The following CDH17 variants were observed in gnomAD, a reference collection of about 807,000 sequenced individuals.
CDH17 encodes cadherin-17.
CDH17 carries 67 observed loss-of-function variants against 86.3 expected under a neutral mutation model. The ratio of observed to expected loss-of-function variants is 0.78; its 90% CI spans 0.64 to 0.95. The LOEUF (loss-of-function observed/expected upper bound fraction) is 0.95. Ranked by LOEUF, CDH17 falls within the 40% of genes least tolerant of loss-of-function variation. CDH17 has a pLI of 0.00. For synonymous variants in CDH17, 367 were observed against 366.4 expected, an observed-to-expected ratio of 1.00 and a Z score of -0.02; for missense variants, 993 against 1,017.6, an observed-to-expected ratio of 0.98 and a Z score of 0.33.
chr8:94,131,217 T>C (rs1207562070), intron 15 of CDH17, among the ~76,000 whole-genome samples: 1 of 152,226 alleles, frequency 6.6e-6, no homozygotes, highest in Non-Finnish European at 1.5e-5. Flanking sequence ...TAGAAATTTA[T>C]ACTAAATATA....
At chr8:94,128,449 T>C (rs1812346284) in intron 17 of CDH17, 109 bp from the exon 18 acceptor site, 1 of 693,336 alleles carries the variant, frequency 1.4e-6, no homozygotes, top group Admixed American at 2.7e-5. Flanking sequence ...ACTTCATTTT[T>C]GTATGTGATT....
At chr8:94,130,039 C>CA (rs1812379980) in intron 17 of CDH17, among the ~76,000 whole-genome samples, 2 of 152,046 alleles carry the variant, frequency 1.3e-5, no homozygotes, top group Admixed American at 1.3e-4. Context: ...GAGTTGTTTG[C>CA]AAAAAAGAAA....
chr8:94,165,870 A>G lies in CDH17; in HGVS notation c.1173T>C (p.Asp391=). ...IVEQTPKLPM[D]GLFLIQTYAG... ...CATAGGTTTGGATTAGGAAGAGTCC[A>G]TCCATGGGAAGTTTGGGAGTTTGCT... is the stretch of plus-strand genomic sequence containing the variant. The change falls in exon 10 of 18, where the codon GAT becomes GAC. Residue 391 remains aspartate (D), a synonymous_variant. Transcript: ENST00000027335. 6.2e-7 allele frequency: 1 copy of G among 1,613,776 alleles called. No individual in the cohort carries two copies. The highest frequency in any genetic ancestry group is 1.7e-4 in the Middle Eastern group (1 of 6,058).
chr8:94,167,888 G>A (rs2514808), intron 9 of CDH17, among the ~76,000 whole-genome samples: 31,378 of 151,556 alleles, frequency 0.21, 3,800 homozygotes, highest in Middle Eastern at 0.31. Flanking sequence ...AACAAGTGGA[G>A]CTCAAACTGA....
chr8:94,207,025 G>A (rs1333315723), intron 1 of CDH17, among the ~76,000 whole-genome samples: 1 of 151,908 alleles, frequency 6.6e-6, no homozygotes, highest in Admixed American at 6.6e-5. Context: ...TTTTTTCAGG[G>A]GTCATCTGGG....
Position 94,160,037 on chromosome 8 carries a change from G to A in CDH17, c.1485C>T (p.Asp495=), listed in dbSNP as rs1200966655. ...TGTCAACCCCCAGGCGTCCCTCACT[G>A]TCTCCCTTTATGATATGATACAGAA... ...SKILYHIIKG[D]SEGRLGVDTD... is the part of the protein sequence containing the mutation. The change falls in exon 12 of 18, where the codon GAC becomes GAT. Residue 495 remains aspartate, a synonymous_variant. Transcript: ENST00000027335. The A allele has an allele frequency of 2.2e-5, 36 of 1,613,692 alleles. No individual in the cohort carries two copies. The highest frequency in any genetic ancestry group is 3.0e-5 in the Non-Finnish European group (35 of 1,179,832).
At chr8:94,191,560 G>A (rs1047289374) in intron 2 of CDH17, among the ~76,000 whole-genome samples, 13 of 148,988 alleles carry the variant, frequency 8.7e-5, no homozygotes, top group East Asian at 4.0e-4. Context: ...CAAGCGATTC[G>A]CCTGCCTCAG....
chr8:94,206,969 A>G (rs575304733), intron 1 of CDH17, among the ~76,000 whole-genome samples: 1 of 152,248 alleles, frequency 6.6e-6, no homozygotes, highest in African/African-American at 2.4e-5. Flanking sequence ...TGTATGAGAA[A>G]GGAGGAGGTA....
At chr8:94,211,442 GC>G (rs761094799), upstream of CDH17, among the ~76,000 whole-genome samples, 2 of 152,112 alleles carry the variant, frequency 1.3e-5, no homozygotes, top group Non-Finnish European at 2.9e-5. Context: ...CTCCCATGTA[GC>G]TGGGATTACA....
chr8:94,185,207 T>C (rs1813555341), intron 3 of CDH17, among the ~76,000 whole-genome samples: 2 of 151,604 alleles, frequency 1.3e-5, no homozygotes, highest in African/African-American at 4.9e-5. Flanking sequence ...GCTTCTGTGA[T>C]TCTAAAAAGA....
At chr8:94,148,716 T>C (rs1812796479) in intron 14 of CDH17, 28 bp downstream of exon 14, 1 of 1,400,706 alleles carries the variant, frequency 7.1e-7, no homozygotes, top group Non-Finnish European at 9.3e-7. Context: ...TGTTCCTTTT[T>C]TTTTGTTTTT....
At chr8:94,201,664 G>A (rs541268829) in intron 1 of CDH17, among the ~76,000 whole-genome samples, 1 of 152,162 alleles carries the variant, frequency 6.6e-6, no homozygotes, top group Non-Finnish European at 1.5e-5. Flanking sequence ...CCGTTCTGTG[G>A]TATTTTGTTA....
chr8:94,187,865 C>T lies in CDH17; in HGVS notation c.150+1322G>A, dbSNP rs559495660. Among the ~76,000 whole-genome samples, 308 of 152,284 alleles carry T rather than the reference C, an allele frequency of 2.0e-3. 1 individual carries two copies. Among genetic ancestry groups the T allele is most frequent in the African/African-American group, 7.1e-3 (297 of 41,574 alleles). On this transcript the variant is annotated intron_variant, in intron 3 of 17. Coordinates refer to ENST00000027335, the MANE Select transcript of CDH17 (RefSeq NM_004063.4). ...CCTCCAGCTCTCAACACATTCACTGCTTCTTCAGGCCCTGACTTCCCTGAC... is the reference window on the plus strand; with the variant it reads ...CCTCCAGCTCTCAACACATTCACTGTTTCTTCAGGCCCTGACTTCCCTGAC...
chr8:94,167,465 G>A (rs1032056118), intron 9 of CDH17, among the ~76,000 whole-genome samples: 2 of 152,160 alleles, frequency 1.3e-5, no homozygotes, highest in Non-Finnish European at 2.9e-5. Context: ...GTTGGGGGAG[G>A]AAAAAGAAAG....
At chr8:94,157,513 C>A (rs2130613238) in intron 12 of CDH17, among the ~76,000 whole-genome samples, 1 of 152,280 alleles carries the variant, frequency 6.6e-6, no homozygotes, top group African/African-American at 2.4e-5. Context: ...CCAGAGGTAG[C>A]TATGATAGTC....
At chr8:94,148,450 G>A (rs992024530) in intron 14 of CDH17, among the ~76,000 whole-genome samples, 1 of 144,838 alleles carries the variant, frequency 6.9e-6, no homozygotes, top group Admixed American at 7.1e-5. Context: ...GCTGAGGTAG[G>A]AGAATTGCTT....
rs1812321803 is a variant in CDH17 at position 94,127,343 on chromosome 8, T to C, written c.*897A>G. 6.6e-6 allele frequency: 1 copy of C among 152,248 alleles called. No individual in the cohort carries two copies. The highest frequency in any genetic ancestry group is 1.5e-5 in the Non-Finnish European group (1 of 68,048). The allele number at this position is 152,248 out of a possible 1,614,324, so 9.4% of individuals were successfully genotyped here. A position where few individuals can be genotyped will look rare whatever the true frequency, so the allele number is the denominator to read the frequency against. On this transcript the variant is annotated 3_prime_UTR_variant, in exon 18 of 18. Transcript: ENST00000027335. ...TGAGGAAATCTGGCCAGCTGACTGG[T>C]TCCTTTACCAAGGTTTGCAGAGTAG...
intron 15 of CDH17, among the ~76,000 whole-genome samples, chr8:94,141,421 T>C (rs1812636393): frequency 6.6e-6 from 1 of 152,154 alleles, no homozygotes; most frequent in South Asian, 2.1e-4. Context: ...CAAGTATTTC[T>C]GCTCTTACTA....
At chr8:94,212,389 C>G (rs1368485169), upstream of CDH17, among the ~76,000 whole-genome samples, 1 of 152,172 alleles carries the variant, frequency 6.6e-6, no homozygotes, top group Non-Finnish European at 1.5e-5. Context: ...GATCTGCCCA[C>G]CTCAGCCTCT....
Sources: gnomAD v4.1 joint callset for allele counts (sites outside exome capture counted in the v4.1 genomes callset) on GRCh38, gnomAD v4.1.1 for gene constraint, MANE v1.5 for transcripts, NCBI Gene and HGNC (gene_info 2026-07-23, HGNC 2026-07-21) for gene names.